DCPS: variants seen among roughly 807,000 people sequenced by gnomAD.
DCPS encodes the protein m7GpppX diphosphatase.
In DCPS, 27 loss-of-function variants were observed where a neutral mutation model predicts 34.7. That is an observed-to-expected ratio of 0.78 (90% CI 0.57 to 1.07). The LOEUF (loss-of-function observed/expected upper bound fraction) is 1.07. Ranked by LOEUF, DCPS falls within the 50% of genes least tolerant of loss-of-function variation. DCPS has a pLI of 0.00. For missense variants in DCPS, 464 were observed against 436.9 expected, an observed-to-expected ratio of 1.06 and a Z score of -0.55; for synonymous variants, 185 against 185.7, an observed-to-expected ratio of 1.00 and a Z score of 0.03.
At position 126,306,576 on chromosome 11, in the gene DCPS, G is replaced by A; in HGVS notation, c.208G>A (p.Glu70Lys). The A allele has an allele frequency of 6.2e-7, 1 of 1,600,134 alleles. No homozygotes were observed. Among genetic ancestry groups the A allele is most frequent in the Non-Finnish European group, 8.5e-7 (1 of 1,170,426 alleles). The stretch of plus-strand genomic sequence containing the variant: ...ATGATGCCTCTGCCCACAGGTGAAT[G>A]AGGCCTCTGGGGATGGGGATGGAGA... ...KIIFLHGKVN[E>K]ASGDGDGEDA... Residue 70 changes from glutamate (E) to lysine (K), a missense_variant, in exon 2 of 6, where the codon GAG (glutamate) becomes AAG (lysine). By Grantham distance (56) the Glu-to-Lys change is moderately conservative. Transcript: ENST00000263579.
At position 126,306,563 on chromosome 11, in the gene DCPS, C is replaced by G. The variant is rs372937832; in HGVS notation, c.202-7C>G. On this transcript the variant is annotated splice_polypyrimidine_tract_variant and splice_region_variant and intron_variant, in intron 1 of 5. Coordinates refer to ENST00000263579, the MANE Select transcript of DCPS (RefSeq NM_014026.6). ...CTTGAGCCCACTGATGATGCCTCTG[C>G]CCACAGGTGAATGAGGCCTCTGGGG... is the stretch of plus-strand genomic sequence containing the variant. 1.3e-6 allele frequency: 2 copies of G among 1,599,186 alleles called. No individual in the cohort carries two copies. Among genetic ancestry groups the G allele is most frequent in the Non-Finnish European group, 1.7e-6 (2 of 1,169,470 alleles).
rs1414876628 is a variant in DCPS, at chr11:126,334,746, C to G, written c.522+3196C>G. Among the ~76,000 whole-genome samples the G allele has an allele frequency of 6.6e-6, 1 of 152,206 alleles. No individual in the cohort carries two copies. Among genetic ancestry groups the G allele is most frequent in the African/African-American group, 2.4e-5 (1 of 41,454 alleles). On this transcript the variant is annotated intron_variant, in intron 3 of 5. Coordinates refer to ENST00000263579, the MANE Select transcript of DCPS (RefSeq NM_014026.6). This position sits in a 1 kb window ranked among gnomAD's most constrained non-coding sequence, Gnocchi z 5.5. ...GCCCTAAGCCAGAGATACTATTTGG[C>G]TCCTTAGATGTGAGGTACTTATAAC...
chr11:126,329,976 T>C lies in DCPS; in HGVS notation c.377-1429T>C, dbSNP rs1405197277. On this transcript the variant is annotated intron_variant, in intron 2 of 5. Transcript: ENST00000263579. The surrounding 1 kb of genome is among the most constrained non-coding windows in gnomAD (Gnocchi z 5.0). ...TCTTTTGAGAAAGATCCAAGCTGAT[T>C]TGGAAATACCCCTAAGATCTATGTT... Among the ~76,000 whole-genome samples, 4 of 152,150 alleles carry C rather than the reference T, an allele frequency of 2.6e-5. No homozygotes were observed. The highest frequency in any genetic ancestry group is 2.6e-4 in the Admixed American group (4 of 15,268).
Position 126,338,186 on chromosome 11 carries a change from G to A in DCPS, c.523-100G>A. On this transcript the variant is annotated intron_variant, in intron 3 of 5. Coordinates refer to ENST00000263579, the MANE Select transcript of DCPS (RefSeq NM_014026.6). The surrounding 1 kb of genome is among the most constrained non-coding windows in gnomAD (Gnocchi z 5.4). ...TGGCGGCCTTTTATGGCTTGGTTCT[G>A]TCTCCTGGAGAGGCCAGGGAATGCC... 1.8e-6 allele frequency: 2 copies of A among 1,123,634 alleles called. No individual in the cohort carries two copies. The highest frequency in any genetic ancestry group is 2.6e-6 in the Non-Finnish European group (2 of 763,726). 69.6% of individuals were successfully genotyped at this position (1,123,634 alleles called of 1,614,324 possible).
At chr11:126,343,674 A>G (rs1951895199) in intron 5 of DCPS, among the ~76,000 whole-genome samples, 1 of 151,944 alleles carries the variant, frequency 6.6e-6, no homozygotes. Flanking sequence ...CCCTCACCCC[A>G]TAGACTCTGG....
Position 126,315,266 on chromosome 11 carries a change from A to T in DCPS, c.376+8522A>T, listed in dbSNP as rs1445791651. 3.3e-5 allele frequency among the ~76,000 whole-genome samples: 5 copies of T among 152,124 alleles called. No homozygotes were observed. The highest frequency in any genetic ancestry group is 5.9e-5 in the Non-Finnish European group (4 of 68,048). On this transcript the variant is annotated intron_variant, in intron 2 of 5. Coordinates refer to ENST00000263579, the MANE Select transcript of DCPS (RefSeq NM_014026.6). The surrounding 1 kb of genome is among the most constrained non-coding windows in gnomAD (Gnocchi z 6.1). ...AAAATAAGAATTAAAAAAAATAAAAAGAATATTTCTGGGCTGGGTGCAGTA... is the reference window on the plus strand; with the variant it reads ...AAAATAAGAATTAAAAAAAATAAAATGAATATTTCTGGGCTGGGTGCAGTA...
At chr11:126,343,729 TCATGACAAC>T (rs1288549453) in intron 5 of DCPS, among the ~76,000 whole-genome samples, 6 of 152,276 alleles carry the variant, frequency 3.9e-5, no homozygotes, top group Middle Eastern at 3.4e-3. Context: ...CCTGTCTCTC[TCATGACAAC>T]CATGACAACC....
In DCPS at chr11:126,331,128, G is replaced by A. The variant is rs1057055599; in HGVS notation, c.377-277G>A. 3.3e-5 allele frequency among the ~76,000 whole-genome samples: 5 copies of A among 152,192 alleles called. No individual in the cohort carries two copies. Among genetic ancestry groups the A allele is most frequent in the African/African-American group, 1.2e-4 (5 of 41,446 alleles). ...TTAGAGACCTCTCATTCCTGTGCCTGGAAGATGGAGCAGGAAGGGCTGGGG... is the reference window on the plus strand; with the variant it reads ...TTAGAGACCTCTCATTCCTGTGCCTAGAAGATGGAGCAGGAAGGGCTGGGG... On this transcript the variant is annotated intron_variant, in intron 2 of 5. Transcript: ENST00000263579. This position sits in a 1 kb window ranked among gnomAD's most constrained non-coding sequence, Gnocchi z 7.2.
intron 1 of DCPS, among the ~76,000 whole-genome samples, chr11:126,305,413 C>CTTTTTTTTTT (rs1165260410): frequency 2.8e-4 from 19 of 68,326 alleles, no homozygotes; most frequent in Non-Finnish European, 4.2e-4. Flanking sequence ...CCGCACCCGC[C>CTTTTTTTTTT]TTTTTTTTTT....
chr11:126,349,146 C>G lies in DCPS; in HGVS notation c.*3533C>G, dbSNP rs1951965676. Among the ~76,000 whole-genome samples, 2 of 152,144 alleles carry G rather than the reference C, an allele frequency of 1.3e-5. No homozygotes were observed. The highest frequency in any genetic ancestry group is 4.1e-4 in the South Asian group (2 of 4,824). On this transcript the variant is annotated 3_prime_UTR_variant, in exon 6 of 6. Transcript: ENST00000263579. This position sits in a 1 kb window ranked among gnomAD's most constrained non-coding sequence, Gnocchi z 5.4. Reference sequence around the variant, plus strand: ...TTTCTTCCTGCTATCTCGTAAGAGCCCAACATCCTTCTGTCCTGAGCAAGC... The same window carrying G: ...TTTCTTCCTGCTATCTCGTAAGAGCGCAACATCCTTCTGTCCTGAGCAAGC...
intron 2 of DCPS, among the ~76,000 whole-genome samples, chr11:126,310,927 G>T (rs1408596962): frequency 6.6e-6 from 1 of 152,244 alleles, no homozygotes. Context: ...TTGCCTAGGG[G>T]AGCCCCCACC....
chr11:126,324,173 T>C (rs1420719653), intron 2 of DCPS, among the ~76,000 whole-genome samples: 1 of 152,210 alleles, frequency 6.6e-6, no homozygotes, highest in East Asian at 1.9e-4. Flanking sequence ...ACATAACAGA[T>C]TGCAGTAGCA....
Position 126,349,671 on chromosome 11 carries a change from A to AT in DCPS, c.*4059dup, listed in dbSNP as rs1951973563. ...ACTTCCATATCCAAAGCATTTGAAT[A>AT]TATTTATTTTATTGATGTAGGTCTG... On this transcript the variant is annotated 3_prime_UTR_variant, in exon 6 of 6. Coordinates refer to ENST00000263579, the MANE Select transcript of DCPS (RefSeq NM_014026.6). This position sits in a 1 kb window ranked among gnomAD's most constrained non-coding sequence, Gnocchi z 5.4. Among the ~76,000 whole-genome samples the AT allele has an allele frequency of 6.6e-6, 1 of 152,252 alleles. No individual in the cohort carries two copies. The highest frequency in any genetic ancestry group is 1.5e-5 in the Non-Finnish European group (1 of 68,052).
At chr11:126,310,958 C>T (rs368422862) in intron 2 of DCPS, among the ~76,000 whole-genome samples, 18 of 152,298 alleles carry the variant, frequency 1.2e-4, no homozygotes, top group African/African-American at 3.9e-4. Flanking sequence ...GAGCTGGCCA[C>T]AGTAGAAATC....
At position 126,347,374 on chromosome 11, in the gene DCPS, C is replaced by T. The variant is rs1450706692; in HGVS notation, c.*1761C>T. On this transcript the variant is annotated 3_prime_UTR_variant, in exon 6 of 6. Transcript: ENST00000263579. This position sits in a 1 kb window ranked among gnomAD's most constrained non-coding sequence, Gnocchi z 4.2. The stretch of plus-strand genomic sequence containing the variant: ...GAGTAGCTGGGACTACAGGGGTGCG[C>T]CCCCATGCCCAGCTAATTTTTGTAT... Among the ~76,000 whole-genome samples, 2 of 152,092 alleles carry T rather than the reference C, an allele frequency of 1.3e-5. No individual in the cohort carries two copies. The highest frequency in any genetic ancestry group is 4.8e-5 in the African/African-American group (2 of 41,416).
rs1323759369 is a variant in DCPS, at chr11:126,345,011, T to C, written c.748-336T>C. 4.7e-4 allele frequency among the ~76,000 whole-genome samples: 71 copies of C among 152,366 alleles called. No individual in the cohort carries two copies. Among genetic ancestry groups the C allele is most frequent in the Non-Finnish European group, 4.4e-5 (3 of 68,038 alleles). ...CCCATAGTCTTGGGAATCTGGGGCC[T>C]GTCTGTAGACACTGGGCCTTCCAAG... is the stretch of plus-strand genomic sequence containing the variant. On this transcript the variant is annotated intron_variant, in intron 5 of 5. Coordinates refer to ENST00000263579, the MANE Select transcript of DCPS (RefSeq NM_014026.6). The surrounding 1 kb of genome is among the most constrained non-coding windows in gnomAD (Gnocchi z 7.4).
chr11:126,304,099 C>A lies in DCPS; in HGVS notation c.19C>A (p.Gln7Lys), dbSNP rs1453120728. The A allele has an allele frequency of 6.2e-7, 1 of 1,609,824 alleles. No individual in the cohort carries two copies. The highest frequency in any genetic ancestry group is 1.1e-5 in the South Asian group (1 of 90,604). Reference sequence around the variant, plus strand: ...CGGCAGCATGGCGGACGCAGCTCCTCAACTAGGCAAGAGGAAGCGCGAATT... The same window carrying A: ...CGGCAGCATGGCGGACGCAGCTCCTAAACTAGGCAAGAGGAAGCGCGAATT... Reference protein sequence around the residue: MADAAPQLGKRKRELDV... With the variant: MADAAPKLGKRKRELDV... The change falls in exon 1 of 6, where the codon CAA becomes AAA. Residue 7 changes from glutamine to lysine, a missense_variant. Gln to Lys is a moderately conservative substitution (Grantham distance 53, BLOSUM62 1). Transcript: ENST00000263579.
rs1951884355 is a variant in DCPS, at chr11:126,342,689, C to G, written c.637-618C>G. Among the ~76,000 whole-genome samples, 1 of 152,114 alleles carries G rather than the reference C, an allele frequency of 6.6e-6. No homozygotes were observed. Among genetic ancestry groups the G allele is most frequent in the African/African-American group, 2.4e-5 (1 of 41,410 alleles). ...GTCTTACAGTAGAGCTACTTGCATA[C>G]ATGCGATAAGACTGTAAACTCTCGG... is the stretch of plus-strand genomic sequence containing the variant. On this transcript the variant is annotated intron_variant, in intron 4 of 5. Coordinates refer to ENST00000263579, the MANE Select transcript of DCPS (RefSeq NM_014026.6). The surrounding 1 kb of genome is among the most constrained non-coding windows in gnomAD (Gnocchi z 4.4).
chr11:126,306,595 A>T lies in DCPS; in HGVS notation c.227A>T (p.Asp76Val), dbSNP rs149150998. ...GTGAATGAGGCCTCTGGGGATGGGG[A>T]TGGAGAGGATGCCGTTGTGATCCTG... is the stretch of plus-strand genomic sequence containing the variant. ...GKVNEASGDG[D>V]GEDAVVILEK... is the part of the protein sequence containing the mutation. The change falls in exon 2 of 6, where the codon GAT (aspartate) becomes GTT (valine). Residue 76 changes from aspartate to valine, a missense_variant. Asp to Val is a radical substitution (Grantham distance 152, BLOSUM62 -3). Coordinates refer to ENST00000263579, the MANE Select transcript of DCPS (RefSeq NM_014026.6). 3.8e-5 allele frequency: 62 copies of T among 1,611,556 alleles called. No homozygotes were observed. In the African/African-American group the frequency reaches 7.8e-4, roughly 20 times the overall value.
Sources: allele counts gnomAD v4.1 joint callset (sites outside exome capture counted in the v4.1 genomes callset), GRCh38; gene constraint gnomAD v4.1.1; non-coding constraint Gnocchi (gnomAD v3.1); transcripts MANE v1.5; gene names NCBI Gene and HGNC (gene_info 2026-07-23, HGNC 2026-07-21).